Variants in AASDHPPT observed in about 807,000 individuals in gnomAD.
AASDHPPT encodes aminoadipate-semialdehyde dehydrogenase-phosphopantetheinyl transferase.
Under a neutral mutation model 36.4 loss-of-function variants are expected in AASDHPPT, and 23 were observed. The observed-to-expected ratio is 0.63, with a 90% CI of 0.45 to 0.89. The LOEUF is 0.89. Among genes scored for constraint, AASDHPPT ranks in the 40% least tolerant of loss-of-function variants. The pLI is 0.00. For missense variants in AASDHPPT, 377 were observed against 378.2 expected, an observed-to-expected ratio of 1.00 and a Z score of 0.03; for synonymous variants, 115 against 128.0, an observed-to-expected ratio of 0.90 and a Z score of 0.68.
chr11:106,094,515 A>G (rs1861293207), intron 4 of AASDHPPT, 68 bp from the exon 5 acceptor site: 1 of 1,189,350 alleles, frequency 8.4e-7, no homozygotes, highest in Admixed American at 2.3e-5. Context: ...GATTTAGAAA[A>G]TGTAAACAAA....
intron 2 of AASDHPPT, among the ~76,000 whole-genome samples, chr11:106,088,418 C>G (rs182385878): frequency 6.6e-6 from 1 of 152,164 alleles, no homozygotes; most frequent in East Asian, 1.9e-4. Context: ...TCTGTTAAAA[C>G]TACAGTTTCA....
chr11:106,090,864 T>G (rs1261971840), intron 3 of AASDHPPT, among the ~76,000 whole-genome samples, 186 bp downstream of exon 3: 1 of 147,694 alleles, frequency 6.8e-6, no homozygotes. Context: ...TTTAAGAAAA[T>G]TTAACCTATA....
At chr11:106,091,643 T>G (rs1861258255) in intron 4 of AASDHPPT, 166 bp downstream of exon 4, 2 of 586,194 alleles carry the variant, frequency 3.4e-6, no homozygotes, top group African/African-American at 3.9e-5. Context: ...ACATTTATAC[T>G]AATACTTGAA....
chr11:106,083,879 A>G lies in AASDHPPT; in HGVS notation c.409+4187A>G, dbSNP rs186956034. Among the ~76,000 whole-genome samples, 26 of 152,304 alleles carry G rather than the reference A, an allele frequency of 1.7e-4. No individual in the cohort carries two copies. In the East Asian group the frequency reaches 3.5e-3, roughly 20 times the overall value. The stretch of plus-strand genomic sequence containing the variant: ...ATTCTTTTCAAACGAGACAGAGTTC[A>G]GAATTTATCAAAGAATGGATATTTA... On this transcript the variant is annotated intron_variant, in intron 2 of 5. Transcript: ENST00000278618.
Position 106,079,563 on chromosome 11 carries a change from C to T in AASDHPPT, c.280C>T (p.Leu94Phe). 1 of 1,614,134 alleles carries T rather than the reference C, an allele frequency of 6.2e-7. No homozygotes were observed. Among genetic ancestry groups the T allele is most frequent in the Non-Finnish European group, 8.5e-7 (1 of 1,179,990 alleles). ...AAGAACTGCAAAAGGAAAACCAGTT[C>T]TTGCAAAGGACTCATCGAATCCTTA... ...LQRTAKGKPVLAKDSSNPYPN... is the reference protein window; with the variant it reads ...LQRTAKGKPVFAKDSSNPYPN... The change falls in exon 2 of 6, where the codon CTT (leucine) becomes TTT (phenylalanine). Residue 94 changes from leucine to phenylalanine, a missense_variant. Leu to Phe is a conservative substitution (Grantham distance 22, BLOSUM62 0). Transcript: ENST00000278618.
chr11:106,079,633 T>G lies in AASDHPPT; in HGVS notation c.350T>G (p.Val117Gly). ...ATCTCTCATCAAGGAGACTATGCAG[T>G]GCTTGCTGCTGAACCTGAGCTGCAA... ...FNISHQGDYA[V>G]LAAEPELQVG... Residue 117 changes from valine to glycine, a missense_variant, in exon 2 of 6, where the codon GTG (valine) becomes GGG (glycine). Coordinates refer to ENST00000278618, the MANE Select transcript of AASDHPPT (RefSeq NM_015423.3). The G allele has an allele frequency of 6.2e-7, 1 of 1,614,194 alleles. No individual in the cohort carries two copies.
At chr11:106,091,819 G>T (rs2155339) in intron 4 of AASDHPPT, 15,640 of 172,250 alleles carry the variant, frequency 0.091, 737 homozygotes, top group Middle Eastern at 0.18. Context: ...ACAAGGTATT[G>T]ATCAAGTTAA....
intron 4 of AASDHPPT, chr11:106,093,292 CCT>C (rs1861275014): frequency 6.6e-6 from 1 of 152,124 alleles, no homozygotes; most frequent in African/African-American, 2.4e-5. Flanking sequence ...TGTACATACA[CCT>C]CTCATTATAC....
Position 106,090,574 on chromosome 11 carries a change from G to T in AASDHPPT, c.427G>T (p.Glu143Ter). 1.3e-6 allele frequency: 2 copies of T among 1,584,258 alleles called. No individual in the cohort carries two copies. The highest frequency in any genetic ancestry group is 1.7e-6 in the Non-Finnish European group (2 of 1,170,612). ...ATTGGCAGGTCGTGGTTCAATTCCAGAATTCTTTCATATTATGAAAAGAAA... is the reference window on the plus strand; with the variant it reads ...ATTGGCAGGTCGTGGTTCAATTCCATAATTCTTTCATATTATGAAAAGAAA... ...TSFPGRGSIP[E>*]FFHIMKRKFT... is the part of the protein sequence containing the mutation. The change falls in exon 3 of 6, where the codon GAA becomes TAA. Residue 143 changes from glutamate to a stop codon, truncating the protein, a stop_gained. Transcript: ENST00000278618. LOFTEE classifies it high-confidence loss of function.
intron 2 of AASDHPPT, among the ~76,000 whole-genome samples, chr11:106,088,636 T>C (rs896370640): frequency 1.4e-4 from 21 of 152,116 alleles, no homozygotes; most frequent in Non-Finnish European, 2.2e-4. Flanking sequence ...TTCTTTAAGA[T>C]GTTACTTATC....
At chr11:106,088,827 C>A (rs1374961715) in intron 2 of AASDHPPT, among the ~76,000 whole-genome samples, 1 of 151,988 alleles carries the variant, frequency 6.6e-6, no homozygotes, top group Non-Finnish European at 1.5e-5. Flanking sequence ...TATTTCGGTG[C>A]CTAAAAATGA....
intron 2 of AASDHPPT, among the ~76,000 whole-genome samples, chr11:106,089,761 C>T (rs1861234968): frequency 6.6e-6 from 1 of 151,942 alleles, no homozygotes; most frequent in Non-Finnish European, 1.5e-5. Context: ...TGAATTTTAA[C>T]ATGTATCTTA....
Position 106,083,144 on chromosome 11 carries a change from C to T in AASDHPPT, c.409+3452C>T, listed in dbSNP as rs151107343. Among the ~76,000 whole-genome samples the T allele has an allele frequency of 7.6e-3, 1,150 of 152,198 alleles. 19 individuals are homozygous for T. The highest frequency in any genetic ancestry group is 0.026 in the African/African-American group (1,085 of 41,524). The stretch of plus-strand genomic sequence containing the variant: ...CCTTACTGGAAAACCAAGTCTCCAC[C>T]CTCAAGGAGTTTTCCTCCTTCCCAG... On this transcript the variant is annotated intron_variant, in intron 2 of 5. Transcript: ENST00000278618.
At chr11:106,092,836 A>C (rs1426771587) in intron 4 of AASDHPPT, 1 of 152,212 alleles carries the variant, frequency 6.6e-6, no homozygotes, top group Non-Finnish European at 1.5e-5. Flanking sequence ...GCTTTGTGTT[A>C]GATGATTTCG....
chr11:106,097,003 G>C lies in AASDHPPT; in HGVS notation c.*96G>C. On this transcript the variant is annotated 3_prime_UTR_variant, in exon 6 of 6. Coordinates refer to ENST00000278618, the MANE Select transcript of AASDHPPT (RefSeq NM_015423.3). Reference sequence around the variant, plus strand: ...TGTTTAGTATCAAATTTTATTTCACGAAAGTTTTTTTAAAGAACAGAAACT... The same window carrying C: ...TGTTTAGTATCAAATTTTATTTCACCAAAGTTTTTTTAAAGAACAGAAACT... 7.9e-7 allele frequency: 1 copy of C among 1,272,964 alleles called. No individual in the cohort carries two copies. The allele number at this position is 1,272,964 out of a possible 1,614,324, so 78.9% of individuals were successfully genotyped here.
chr11:106,081,727 C>T (rs1461001458), intron 2 of AASDHPPT, among the ~76,000 whole-genome samples: 6 of 151,908 alleles, frequency 3.9e-5, no homozygotes, highest in Admixed American at 3.9e-4. Context: ...TGGCTATGGT[C>T]AATGCTAGAT....
intron 2 of AASDHPPT, among the ~76,000 whole-genome samples, chr11:106,088,489 C>T (rs1045924997): frequency 3.9e-5 from 6 of 152,090 alleles, no homozygotes; most frequent in African/African-American, 9.7e-5. Context: ...ATTATTGTTA[C>T]ATATGCTGTT....
chr11:106,089,763 T>C (rs1184801272), intron 2 of AASDHPPT, among the ~76,000 whole-genome samples: 1 of 152,044 alleles, frequency 6.6e-6, no homozygotes, highest in Non-Finnish European at 1.5e-5. Context: ...AATTTTAACA[T>C]GTATCTTACC....
At chr11:106,083,816 T>C (rs1178456029) in intron 2 of AASDHPPT, among the ~76,000 whole-genome samples, 2 of 152,170 alleles carry the variant, frequency 1.3e-5, no homozygotes, top group Admixed American at 6.5e-5. Flanking sequence ...CAAAATATAG[T>C]TGACTATGAT....
Sources: gnomAD v4.1 joint callset for allele counts (sites outside exome capture counted in the v4.1 genomes callset) on GRCh38, gnomAD v4.1.1 for gene constraint, MANE v1.5 for transcripts, NCBI Gene and HGNC (gene_info 2026-07-23, HGNC 2026-07-21) for gene names.